Variants in DEPTOR observed in about 807,000 individuals in gnomAD.
The protein encoded by DEPTOR is DEP domain-containing mTOR-interacting protein.
Under a neutral mutation model 41.6 loss-of-function variants are expected in DEPTOR, and 41 were observed. The ratio of observed to expected loss-of-function variants is 0.98; its 90% CI spans 0.77 to 1.28. DEPTOR has a LOEUF of 1.28. Ranked by LOEUF, DEPTOR falls within the 50% of genes most tolerant of loss-of-function variation. The pLI is 0.00. For synonymous variants in DEPTOR, 195 were observed against 192.3 expected (o/e 1.01, Z -0.12); for missense variants, 514 against 527.9 (o/e 0.97, Z 0.26).
chr8:119,947,295 T>G (rs192854674), intron 3 of DEPTOR, among the ~76,000 whole-genome samples: 178 of 152,348 alleles, frequency 1.2e-3, no homozygotes, highest in African/African-American at 4.1e-3. Context: ...AGTACTGTTT[T>G]GTACTCATTA....
At chr8:120,012,422 A>G (rs1812544066) in intron 8 of DEPTOR, among the ~76,000 whole-genome samples, 1 of 152,208 alleles carries the variant, frequency 6.6e-6, no homozygotes, top group South Asian at 2.1e-4. Context: ...TTGTAACACA[A>G]TGGTATTTGT....
At chr8:120,020,994 G>A (rs1211365319) in intron 8 of DEPTOR, among the ~76,000 whole-genome samples, 1 of 150,952 alleles carries the variant, frequency 6.6e-6, no homozygotes, top group Non-Finnish European at 1.5e-5. Context: ...TGGAGGCAGA[G>A]GTTGCAGTGA....
intron 1 of DEPTOR, among the ~76,000 whole-genome samples, chr8:119,918,375 T>C (rs1827841388): frequency 6.6e-6 from 1 of 152,198 alleles, no homozygotes; most frequent in South Asian, 2.1e-4. Context: ...GTATAGGAGT[T>C]AGGACTCTGA....
chr8:119,965,478 A>G (rs1468387582), intron 4 of DEPTOR, 68 bp downstream of exon 4: 2 of 1,539,350 alleles, frequency 1.3e-6, no homozygotes, highest in Non-Finnish European at 1.8e-6. Context: ...TCTTACAACA[A>G]CACGTACTTA....
At chr8:119,931,361 T>G (rs1443818156) in intron 3 of DEPTOR, among the ~76,000 whole-genome samples, 2 of 152,186 alleles carry the variant, frequency 1.3e-5, no homozygotes, top group Non-Finnish European at 2.9e-5. Flanking sequence ...CCCTGTCACC[T>G]TACCTTTGTA....
At chr8:120,044,250 C>T (rs1397732250) in intron 8 of DEPTOR, among the ~76,000 whole-genome samples, 2 of 151,818 alleles carry the variant, frequency 1.3e-5, no homozygotes, top group East Asian at 3.9e-4. Context: ...CTCAGCCTCG[C>T]AAGTATCTGG....
intron 8 of DEPTOR, among the ~76,000 whole-genome samples, chr8:120,033,078 ATTCT>A (rs753597010): frequency 2.7e-5 from 3 of 110,052 alleles, no homozygotes; most frequent in African/African-American, 6.7e-5. Context: ...TGGATATGGA[ATTCT>A]TTTTTTTTTT....
At chr8:120,030,692 A>G (rs1812878509) in intron 8 of DEPTOR, among the ~76,000 whole-genome samples, 1 of 151,420 alleles carries the variant, frequency 6.6e-6, no homozygotes, top group Non-Finnish European at 1.5e-5. Context: ...TTTAGTAGAG[A>G]TGGGATTTCA....
chr8:119,980,671 C>A (rs770097761), intron 4 of DEPTOR, among the ~76,000 whole-genome samples: 1 of 151,904 alleles, frequency 6.6e-6, no homozygotes, highest in Non-Finnish European at 1.5e-5. Context: ...GCATGTGCCA[C>A]CACAGCCTGC....
chr8:119,874,295 C>T, intron 1 of DEPTOR: 1 of 357,084 alleles, frequency 2.8e-6, no homozygotes, highest in Non-Finnish European at 5.1e-6. Flanking sequence ...ACCTGGACGC[C>T]GCCAGGCCTC....
chr8:119,990,988 C>T (rs1287575687), intron 4 of DEPTOR, among the ~76,000 whole-genome samples: 1 of 152,002 alleles, frequency 6.6e-6, no homozygotes, highest in Non-Finnish European at 1.5e-5. Context: ...TTTAGGATGG[C>T]TTGAGATGGT....
chr8:119,943,276 C>T (rs143798322), intron 3 of DEPTOR, among the ~76,000 whole-genome samples: 4 of 152,138 alleles, frequency 2.6e-5, no homozygotes, highest in Middle Eastern at 3.2e-3. Flanking sequence ...ACCGCTGTAA[C>T]GAACTGCCAG....
chr8:119,915,084 A>T (rs1300900356), intron 1 of DEPTOR, among the ~76,000 whole-genome samples: 2 of 152,026 alleles, frequency 1.3e-5, no homozygotes, highest in Non-Finnish European at 2.9e-5. Flanking sequence ...TTCCTGCCTC[A>T]GCCTCCTGAA....
chr8:119,923,893 C>CTTTTTTTTTTTTTTTTTTTT (rs769960283), intron 1 of DEPTOR, among the ~76,000 whole-genome samples: 3 of 104,980 alleles, frequency 2.9e-5, no homozygotes, highest in Non-Finnish European at 4.5e-5. Flanking sequence ...TTTTTTCTTT[C>CTTTTTTTTTTTTTTTTTTTT]TTTTTTTTTT....
chr8:119,984,459 C>G (rs1444851368), intron 4 of DEPTOR, among the ~76,000 whole-genome samples: 2 of 152,076 alleles, frequency 1.3e-5, no homozygotes, highest in African/African-American at 4.8e-5. Context: ...TGATGTTCCC[C>G]TCCCTGTGTC....
intron 4 of DEPTOR, among the ~76,000 whole-genome samples, chr8:119,981,363 G>C (rs892990241): frequency 2.6e-5 from 4 of 152,020 alleles, no homozygotes; most frequent in African/African-American, 9.7e-5. Context: ...ATTTCCAGAA[G>C]TCAAAAATGT....
At chr8:119,980,878 G>A (rs1337041572) in intron 4 of DEPTOR, among the ~76,000 whole-genome samples, 1 of 152,034 alleles carries the variant, frequency 6.6e-6, no homozygotes, top group African/African-American at 2.4e-5. Context: ...TGAGATTTCT[G>A]ATATCTGTAT....
intron 3 of DEPTOR, among the ~76,000 whole-genome samples, chr8:119,942,974 C>A (rs973801706): frequency 3.9e-5 from 6 of 152,220 alleles, no homozygotes; most frequent in East Asian, 1.9e-4. Flanking sequence ...AAAACACATG[C>A]CTTCCTATAC....
chr8:119,889,811 G>A (rs1463987253), intron 1 of DEPTOR, among the ~76,000 whole-genome samples: 2 of 152,210 alleles, frequency 1.3e-5, no homozygotes, highest in Non-Finnish European at 2.9e-5. Context: ...TTAGCTTCTG[G>A]GTTGCCCTTC....
Sources: gnomAD v4.1 joint callset for allele counts (sites outside exome capture counted in the v4.1 genomes callset) on GRCh38, gnomAD v4.1.1 for gene constraint, MANE v1.5 for transcripts, NCBI Gene and HGNC (gene_info 2026-07-23, HGNC 2026-07-21) for gene names.